The following APBA2 variants were observed in gnomAD, a reference collection of about 807,000 sequenced individuals.
APBA2 encodes amyloid-beta A4 precursor protein-binding family A member 2.
In APBA2, 30 loss-of-function variants were observed where a neutral mutation model predicts 75.0. That is an observed-to-expected ratio of 0.40 (90% CI 0.30 to 0.54). APBA2 has a LOEUF of 0.54. Ranked by LOEUF, APBA2 falls within the 20% of genes least tolerant of loss-of-function variation. The pLI, the probability that APBA2 is intolerant of heterozygous loss-of-function variation, is 0.49. For missense variants in APBA2, 801 were observed against 1,016.1 expected (o/e 0.79, Z 2.88); for synonymous variants, 444 against 409.6 (o/e 1.08, Z -1.01).
chr15:29,023,855 G>A (rs2040080205), intron 3 of APBA2, among the ~76,000 whole-genome samples: 1 of 151,276 alleles, frequency 6.6e-6, no homozygotes, highest in African/African-American at 2.4e-5. Context: ...TATTTGCTTA[G>A]ATTTGTTGTT....
chr15:29,045,334 C>T (rs1401301937), intron 3 of APBA2, among the ~76,000 whole-genome samples: 1 of 150,838 alleles, frequency 6.6e-6, no homozygotes, highest in Non-Finnish European at 1.5e-5. Context: ...ATGTGATCTG[C>T]CAGCCTCGGC....
At chr15:28,956,887 T>C (rs578187724) in intron 2 of APBA2, among the ~76,000 whole-genome samples, 94 of 152,326 alleles carry the variant, frequency 6.2e-4, no homozygotes, top group African/African-American at 2.2e-3. Flanking sequence ...CGTCGTAGTG[T>C]AGCACGTGTC....
At chr15:28,960,571 CG>C (rs1401029168) in intron 2 of APBA2, among the ~76,000 whole-genome samples, 1 of 151,754 alleles carries the variant, frequency 6.6e-6, no homozygotes, top group Admixed American at 6.6e-5. Flanking sequence ...TGGTGGTCTG[CG>C]GGGGGCAGAT....
intron 2 of APBA2, among the ~76,000 whole-genome samples, chr15:28,960,105 A>G (rs377689430): frequency 3.4e-4 from 50 of 146,316 alleles, no homozygotes; most frequent in East Asian, 2.9e-3. Flanking sequence ...AGATTGCACC[A>G]CTGCACTTCA....
At chr15:29,035,939 C>T (rs918508275) in intron 3 of APBA2, among the ~76,000 whole-genome samples, 6 of 151,942 alleles carry the variant, frequency 3.9e-5, no homozygotes, top group Non-Finnish European at 7.4e-5. Context: ...GCTGTCACCC[C>T]GGAGCGCCCC....
At chr15:28,886,441 G>T (rs1195346513) in intron 1 of APBA2, among the ~76,000 whole-genome samples, 163 bp downstream of exon 1, 3 of 149,776 alleles carry the variant, frequency 2.0e-5, no homozygotes, top group Non-Finnish European at 3.0e-5. Context: ...GGCGGCCGCC[G>T]CTGGGATATG....
intron 8 of APBA2, 81 bp downstream of exon 8, chr15:29,094,394 G>A: frequency 7.7e-7 from 1 of 1,304,582 alleles, no homozygotes; most frequent in Non-Finnish European, 1.1e-6. Context: ...GGGCTGGGGG[G>A]TTCCCCTGGG....
At chr15:28,976,480 C>T (rs2037345437) in intron 2 of APBA2, among the ~76,000 whole-genome samples, 1 of 152,174 alleles carries the variant, frequency 6.6e-6, no homozygotes, top group South Asian at 2.1e-4. Context: ...GGTAGATCCT[C>T]ACTTTGTTAA....
intron 1 of APBA2, among the ~76,000 whole-genome samples, chr15:28,914,017 T>TC (rs2152655035): frequency 6.6e-6 from 1 of 152,332 alleles, no homozygotes; most frequent in African/African-American, 2.4e-5. Flanking sequence ...TATTTCTCCC[T>TC]CCAAGTGGAA....
chr15:28,904,282 A>G (rs2033027550), intron 1 of APBA2, among the ~76,000 whole-genome samples: 1 of 152,098 alleles, frequency 6.6e-6, no homozygotes, highest in Admixed American at 6.5e-5. Context: ...CCTGGACGGT[A>G]TATGAGGAGC....
intron 3 of APBA2, among the ~76,000 whole-genome samples, chr15:29,014,364 T>C (rs1375989965): frequency 6.6e-6 from 1 of 152,228 alleles, no homozygotes; most frequent in East Asian, 1.9e-4. Flanking sequence ...ACAAACTTAT[T>C]CTTACCGAAT....
At chr15:29,106,045 G>A (rs1436493683) in intron 11 of APBA2, among the ~76,000 whole-genome samples, 1 of 152,242 alleles carries the variant, frequency 6.6e-6, no homozygotes, top group African/African-American at 2.4e-5. Flanking sequence ...GATTGTGTCT[G>A]CTGTGGATGA....
chr15:29,113,959 C>T lies in APBA2; in HGVS notation c.2121C>T (p.Ser707=), dbSNP rs148579265. Residue 707 remains serine, a synonymous_variant, in exon 14 of 15, where the codon AGC becomes AGT. Coordinates refer to ENST00000683413, the MANE Select transcript of APBA2 (RefSeq NM_001353788.2). ...GCATCATCGAGATCAACGGGCAGAGCGTGGTGGCCACAGCCCACGAGAAGA... is the reference window on the plus strand; with the variant it reads ...GCATCATCGAGATCAACGGGCAGAGTGTGGTGGCCACAGCCCACGAGAAGA... ...GHRIIEINGQ[S]VVATAHEKIV... The T allele has an allele frequency of 9.9e-6, 16 of 1,613,568 alleles. No individual in the cohort carries two copies. In the African/African-American group the frequency reaches 1.2e-4, roughly 12 times the overall value.
chr15:28,958,177 G>A (rs780414819), intron 2 of APBA2, among the ~76,000 whole-genome samples: 5 of 152,238 alleles, frequency 3.3e-5, no homozygotes, highest in Non-Finnish European at 7.3e-5. Flanking sequence ...AGTGACTTGT[G>A]GGTAGAAGCT....
chr15:28,912,398 T>C (rs1026853657), intron 1 of APBA2, among the ~76,000 whole-genome samples: 2 of 152,236 alleles, frequency 1.3e-5, no homozygotes, highest in African/African-American at 4.8e-5. Flanking sequence ...GGAGGAGTTT[T>C]AGAATATGCA....
intron 13 of APBA2, among the ~76,000 whole-genome samples, chr15:29,111,203 G>T (rs1422345948): frequency 6.6e-6 from 1 of 152,024 alleles, no homozygotes; most frequent in African/African-American, 2.4e-5. Context: ...AGTGATGGAG[G>T]GGGCCAAGCG....
chr15:29,054,572 G>A lies in APBA2; in HGVS notation c.688G>A (p.Val230Met), dbSNP rs1194363412. 6.2e-6 allele frequency: 10 copies of A among 1,613,988 alleles called. No homozygotes were observed. The highest frequency in any genetic ancestry group is 1.7e-5 in the Admixed American group (1 of 60,006). ...EDQEEDIDQI[V>M]AEIKMSLSMT... ...CCAGGAGGAGGACATTGACCAGATC[G>A]TGGCAGAGATCAAGATGAGTCTGAG... Residue 230 changes from valine to methionine, a missense_variant, in exon 4 of 15, where the codon GTG becomes ATG. Coordinates refer to ENST00000683413, the MANE Select transcript of APBA2 (RefSeq NM_001353788.2). This position sits in a 1 kb window ranked among gnomAD's most constrained non-coding sequence, Gnocchi z 6.1.
chr15:29,105,636 C>T (rs2044364580), intron 11 of APBA2, 78 bp downstream of exon 11: 2 of 1,523,212 alleles, frequency 1.3e-6, no homozygotes, highest in Non-Finnish European at 1.8e-6. Flanking sequence ...GCGAGCCTTC[C>T]CGGGGTCCTC....
chr15:28,994,663 AT>A (rs1196126626), intron 2 of APBA2, among the ~76,000 whole-genome samples: 1 of 152,172 alleles, frequency 6.6e-6, no homozygotes, highest in East Asian at 1.9e-4. Context: ...AAATTTCGTA[AT>A]TATAACCCTC....
Sources: gnomAD v4.1 joint callset for allele counts (sites outside exome capture counted in the v4.1 genomes callset) on GRCh38, gnomAD v4.1.1 for gene constraint, Gnocchi (gnomAD v3.1) non-coding constraint, MANE v1.5 for transcripts, NCBI Gene and HGNC (gene_info 2026-07-23, HGNC 2026-07-21) for gene names.